NME7: variants seen among roughly 807,000 people sequenced by gnomAD.
NME7 encodes the protein NME/NM23 family member 7, also known as nucleoside diphosphate kinase 7.
NME7 carries 41 observed loss-of-function variants against 49.1 expected under a neutral mutation model. The ratio of observed to expected loss-of-function variants is 0.83; its 90% CI spans 0.65 to 1.08. The LOEUF (loss-of-function observed/expected upper bound fraction) is 1.08. Ranked by LOEUF, NME7 falls within the 50% of genes least tolerant of loss-of-function variation. The probability of loss-of-function intolerance (pLI) is 0.00; values close to 1 mark genes in which losing one functional copy is unlikely to be tolerated. For synonymous variants in NME7, 139 were observed against 150.6 expected (o/e 0.92, Z 0.56); for missense variants, 423 against 463.4 (o/e 0.91, Z 0.80).
intron 1 of NME7, among the ~76,000 whole-genome samples, chr1:169,329,396 G>GAAAAAAA (rs34676722): frequency 1.0e-5 from 1 of 98,228 alleles, no homozygotes. Context: ...TGTGTTTCCT[G>GAAAAAAA]AAAAAAAAAA....
At chr1:169,262,125 T>C (rs552933750) in intron 7 of NME7, among the ~76,000 whole-genome samples, 1 of 133,902 alleles carries the variant, frequency 7.5e-6, no homozygotes, top group South Asian at 2.3e-4. Context: ...TGATGAGCAA[T>C]TTCCATTGAG....
chr1:169,342,485 G>GTATATA lies in NME7; in HGVS notation c.4-17991_4-17986dup, dbSNP rs71121764. Among the ~76,000 whole-genome samples the GTATATA allele has an allele frequency of 4.1e-4, 53 of 128,610 alleles. No homozygotes were observed. In the East Asian group the frequency reaches 4.7e-3, roughly 11 times the overall value. The allele number at this position is 128,610 out of a possible 152,430, so 84.4% of individuals were successfully genotyped here. A position where few individuals can be genotyped will look rare whatever the true frequency, so the allele number is the denominator to read the frequency against. On this transcript the variant is annotated intron_variant, in intron 1 of 11. Transcript: ENST00000367811. ...CAAGTACATATATATACTTGTATTA[G>GTATATA]TATATATATATATACAAGTACATAT...
chr1:169,278,905 C>T (rs1267955636), intron 7 of NME7, among the ~76,000 whole-genome samples: 1 of 152,160 alleles, frequency 6.6e-6, no homozygotes, highest in African/African-American at 2.4e-5. Flanking sequence ...TTCTAACAGA[C>T]AGGACCCTCC....
intron 1 of NME7, among the ~76,000 whole-genome samples, chr1:169,337,416 C>T (rs1301275369): frequency 2.0e-5 from 3 of 152,198 alleles, no homozygotes; most frequent in Non-Finnish European, 4.4e-5. Context: ...CTCCAGCTGG[C>T]CCGCAAGCGC....
chr1:169,249,664 C>T (rs1648478414), intron 7 of NME7, among the ~76,000 whole-genome samples: 1 of 151,856 alleles, frequency 6.6e-6, no homozygotes, highest in South Asian at 2.1e-4. Flanking sequence ...CCTTTTATAT[C>T]TGTTTGTTGA....
At chr1:169,315,512 C>T (rs1314317443) in intron 3 of NME7, among the ~76,000 whole-genome samples, 2 of 152,084 alleles carry the variant, frequency 1.3e-5, no homozygotes, top group South Asian at 2.1e-4. Context: ...CTGATCCACC[C>T]GCCTCAGCCT....
At chr1:169,358,960 G>A (rs10800436) in intron 1 of NME7, among the ~76,000 whole-genome samples, 8,867 of 152,020 alleles carry the variant, frequency 0.058, 337 homozygotes, top group East Asian at 0.12. Context: ...AAATGTGTTC[G>A]CAAAAATATG....
chr1:169,365,496 A>G (rs560104391), intron 1 of NME7, among the ~76,000 whole-genome samples: 1 of 152,382 alleles, frequency 6.6e-6, no homozygotes, highest in South Asian at 2.1e-4. Flanking sequence ...AAGAGGAGGC[A>G]TACTACCAGT....
At chr1:169,229,858 T>C (rs866542590) in intron 10 of NME7, among the ~76,000 whole-genome samples, 1 of 151,660 alleles carries the variant, frequency 6.6e-6, no homozygotes, top group African/African-American at 2.4e-5. Context: ...GCTACTCAGA[T>C]GGCTGAGGCA....
At chr1:169,193,476 G>A (rs911051851) in intron 10 of NME7, among the ~76,000 whole-genome samples, 1 of 152,178 alleles carries the variant, frequency 6.6e-6, no homozygotes, top group Non-Finnish European at 1.5e-5. Context: ...AAGGTGGCAG[G>A]CTCTTTCATG....
chr1:169,300,710 C>T (rs1650902303), intron 5 of NME7, among the ~76,000 whole-genome samples: 1 of 152,092 alleles, frequency 6.6e-6, no homozygotes, highest in African/African-American at 2.4e-5. Flanking sequence ...GTAACCAAAA[C>T]ATCATGGTAC....
intron 11 of NME7, among the ~76,000 whole-genome samples, chr1:169,145,380 C>T (rs1183066603): frequency 1.3e-5 from 2 of 152,168 alleles, no homozygotes; most frequent in East Asian, 1.9e-4. Context: ...TAGAATCCAA[C>T]GAGACGGCTA....
chr1:169,336,121 G>T (rs955937080), intron 1 of NME7, among the ~76,000 whole-genome samples: 1 of 152,008 alleles, frequency 6.6e-6, no homozygotes, highest in Non-Finnish European at 1.5e-5. Context: ...TGAAGCTGCA[G>T]ACCTTTGCGG....
intron 7 of NME7, among the ~76,000 whole-genome samples, chr1:169,257,037 C>T (rs1207355543): frequency 7.5e-6 from 1 of 132,904 alleles, no homozygotes; most frequent in East Asian, 2.1e-4. Flanking sequence ...GCCCTGCCCC[C>T]AGAGGTGGAG....
chr1:169,265,138 G>A (rs1649281084), intron 7 of NME7, among the ~76,000 whole-genome samples: 1 of 132,988 alleles, frequency 7.5e-6, no homozygotes, highest in Non-Finnish European at 1.8e-5. Context: ...TGACATGTCA[G>A]AATTATAGGA....
At position 169,264,389 on chromosome 1, in the gene NME7, A is replaced by G. The variant is rs1263185266; in HGVS notation, c.754+22914T>C. Among the ~76,000 whole-genome samples, 7 of 134,050 alleles carry G rather than the reference A, an allele frequency of 5.2e-5. 1 individual carries two copies. Among genetic ancestry groups the G allele is most frequent in the African/African-American group, 1.5e-4 (6 of 39,576 alleles). 87.9% of individuals were successfully genotyped at this position (134,050 alleles called of 152,430 possible). A position where few individuals can be genotyped will look rare whatever the true frequency, so the allele number is the denominator to read the frequency against. On this transcript the variant is annotated intron_variant, in intron 7 of 11. Transcript: ENST00000367811. ...AATGGCACCCACAGGCTCAAAACAG[A>G]AATAGAGACAAATCTACCAAACAAA...
At chr1:169,143,905 T>C (rs772705107) in intron 11 of NME7, among the ~76,000 whole-genome samples, 1 of 152,122 alleles carries the variant, frequency 6.6e-6, no homozygotes, top group Non-Finnish European at 1.5e-5. Context: ...GTGGACAACT[T>C]TGAGATCTAA....
intron 10 of NME7, among the ~76,000 whole-genome samples, chr1:169,222,707 C>T (rs12071224): frequency 0.062 from 9,440 of 152,114 alleles, 382 homozygotes; most frequent in East Asian, 0.12. Flanking sequence ...TGGAGCTGGC[C>T]TTGACTTCAC....
intron 11 of NME7, among the ~76,000 whole-genome samples, chr1:169,164,698 G>A (rs4656654): frequency 0.37 from 56,409 of 151,958 alleles, 11,043 homozygotes; most frequent in East Asian, 0.73. Flanking sequence ...GTAAACATGC[G>A]TATTATTTCC....
Sources: gnomAD v4.1 joint callset for allele counts (sites outside exome capture counted in the v4.1 genomes callset) on GRCh38, gnomAD v4.1.1 for gene constraint, MANE v1.5 for transcripts, NCBI Gene and HGNC (gene_info 2026-07-23, HGNC 2026-07-21) for gene names.